ZBTB20: variants seen among roughly 807,000 people sequenced by gnomAD.
ZBTB20 encodes the protein zinc finger and BTB domain containing 20, also known as zinc finger and BTB domain-containing protein 20.
A neutral mutation model predicts 56.9 loss-of-function variants in ZBTB20; 9 were observed. The ratio of observed to expected loss-of-function variants is 0.16; its 90% confidence interval spans 0.10 to 0.28. The LOEUF (loss-of-function observed/expected upper bound fraction) is 0.28, where lower values mean the gene tolerates loss of function less well. Ranked by LOEUF, ZBTB20 falls within the 10% of genes least tolerant of loss-of-function variation. The pLI, the probability that ZBTB20 is intolerant of heterozygous loss-of-function variation, is 1.00. For missense variants in ZBTB20, 655 were observed against 1,003.0 expected, an observed-to-expected ratio of 0.65 and a Z score of 4.69; for synonymous variants, 417 against 420.7, an observed-to-expected ratio of 0.99 and a Z score of 0.11.
chr3:114,674,172 A>C (rs1239010533), intron 6 of ZBTB20, among the ~76,000 whole-genome samples: 1 of 152,214 alleles, frequency 6.6e-6, no homozygotes, highest in Non-Finnish European at 1.5e-5. Context: ...CATATATTGA[A>C]TGTGAATCAC....
rs569407398 is a variant in ZBTB20, at chr3:114,464,395, G to A, written c.-255+35957C>T. On this transcript the variant is annotated intron_variant, in intron 7 of 11. Transcript: ENST00000675478. ...TACGTGAAACAATTTTAGGAATTCA[G>A]CTTATGTGTCAAGTACAGTCATTCT... Among the ~76,000 whole-genome samples the A allele has an allele frequency of 2.0e-5, 3 of 152,276 alleles. No homozygotes were observed. The East Asian group carries it at 5.8e-4, about 29-fold the overall frequency.
At chr3:114,645,392 G>C (rs1054013344) in intron 6 of ZBTB20, among the ~76,000 whole-genome samples, 2 of 152,022 alleles carry the variant, frequency 1.3e-5, no homozygotes, top group African/African-American at 4.8e-5. Flanking sequence ...AATTATATAG[G>C]CAAATGGTGA....
rs2078641655 is a variant in ZBTB20, at chr3:114,315,458, T to C, written c.*23547A>G. The C allele has an allele frequency of 6.6e-6, 1 of 151,994 alleles. No homozygotes were observed. Among genetic ancestry groups the C allele is most frequent in the Non-Finnish European group, 1.5e-5 (1 of 67,980 alleles). The allele number at this position is 151,994 out of a possible 1,614,324, so 9.4% of individuals were successfully genotyped here. On this transcript the variant is annotated 3_prime_UTR_variant, in exon 12 of 12. Coordinates refer to ENST00000675478, the MANE Select transcript of ZBTB20 (RefSeq NM_001348800.3). Reference sequence around the variant, plus strand: ...GACACACAGACACTGGAAACACCACTTGAATGAATGAATGAATGGATATGT... The same window carrying C: ...GACACACAGACACTGGAAACACCACCTGAATGAATGAATGAATGGATATGT...
chr3:114,381,131 T>A (rs557211807), intron 8 of ZBTB20, among the ~76,000 whole-genome samples, 191 bp from the exon 9 acceptor site: 4 of 152,288 alleles, frequency 2.6e-5, no homozygotes, highest in Middle Eastern at 3.4e-3. Flanking sequence ...AGGTTTCTGT[T>A]AGAGTAGCAA....
intron 7 of ZBTB20, among the ~76,000 whole-genome samples, chr3:114,478,490 C>G (rs1352248273): frequency 6.6e-6 from 1 of 152,180 alleles, no homozygotes; most frequent in African/African-American, 2.4e-5. Context: ...ATGCATATCT[C>G]ATTCTGGAAA....
At chr3:114,444,801 G>A (rs1390277468) in intron 7 of ZBTB20, among the ~76,000 whole-genome samples, 1 of 152,054 alleles carries the variant, frequency 6.6e-6, no homozygotes, top group South Asian at 2.1e-4. Flanking sequence ...CTGGTTCACA[G>A]AATGCAATAT....
intron 6 of ZBTB20, among the ~76,000 whole-genome samples, chr3:114,613,525 T>C (rs1223669068): frequency 6.6e-6 from 1 of 152,052 alleles, no homozygotes; most frequent in Non-Finnish European, 1.5e-5. Flanking sequence ...ACTTAAGTAA[T>C]AAGATGAGAG....
At chr3:114,998,439 C>G (rs1267850436) in intron 2 of ZBTB20, among the ~76,000 whole-genome samples, 2 of 151,718 alleles carry the variant, frequency 1.3e-5, no homozygotes, top group Non-Finnish European at 2.9e-5. Flanking sequence ...TGGGAAACTA[C>G]TGAAGAGTAT....
chr3:114,316,751 C>G lies in ZBTB20; in HGVS notation c.*22254G>C, dbSNP rs984955216. On this transcript the variant is annotated 3_prime_UTR_variant, in exon 12 of 12. Transcript: ENST00000675478. Reference sequence around the variant, plus strand: ...AACATTTTTGATGAGAAAAATCTGACAGTTCTCAGCCCCAAGCAAGAGAAA... The same window carrying G: ...AACATTTTTGATGAGAAAAATCTGAGAGTTCTCAGCCCCAAGCAAGAGAAA... 2.8e-6 allele frequency: 1 copy of G among 358,526 alleles called. No homozygotes were observed. Among genetic ancestry groups the G allele is most frequent in the African/African-American group, 2.2e-5 (1 of 44,832 alleles). The allele number at this position is 358,526 out of a possible 1,614,324, so 22.2% of individuals were successfully genotyped here. A position where few individuals can be genotyped will look rare whatever the true frequency, so the allele number is the denominator to read the frequency against.
intron 5 of ZBTB20, among the ~76,000 whole-genome samples, chr3:114,752,606 T>C (rs2067654172): frequency 6.6e-6 from 1 of 152,210 alleles, no homozygotes; most frequent in South Asian, 2.1e-4. Context: ...GCACATTACT[T>C]AGGTGATCAA....
intron 4 of ZBTB20, among the ~76,000 whole-genome samples, chr3:114,878,120 G>A (rs1172135973): frequency 6.6e-6 from 1 of 152,036 alleles, no homozygotes; most frequent in Admixed American, 6.6e-5. Flanking sequence ...CAATTCAGGG[G>A]TCCAAGTTCC....
At chr3:114,901,234 C>T (rs2075106658) in intron 3 of ZBTB20, among the ~76,000 whole-genome samples, 1 of 151,192 alleles carries the variant, frequency 6.6e-6, no homozygotes, top group African/African-American at 2.4e-5. Flanking sequence ...TATTGCACTC[C>T]AGCCTGGGTG....
chr3:114,901,156 G>A (rs2075102893), intron 3 of ZBTB20, among the ~76,000 whole-genome samples: 1 of 152,108 alleles, frequency 6.6e-6, no homozygotes, highest in South Asian at 2.1e-4. Context: ...TGTAATCCCA[G>A]CACTATGGGA....
Position 114,351,957 on chromosome 3 carries a change from G to A in ZBTB20, c.200-79C>T, listed in dbSNP as rs1361718123. On this transcript the variant is annotated intron_variant, in intron 10 of 11. Transcript: ENST00000675478. ...TGCATTCCTAACACCTAGGTTTCAG[G>A]TGAGTAATGCTCATGGCTCCTAGAA... 5 of 1,522,316 alleles carry A rather than the reference G, an allele frequency of 3.3e-6. 1 individual carries two copies. In the South Asian group the frequency reaches 3.8e-5, roughly 12 times the overall value. The allele number at this position is 1,522,316 out of a possible 1,614,324, so 94.3% of individuals were successfully genotyped here.
intron 6 of ZBTB20, among the ~76,000 whole-genome samples, chr3:114,607,252 C>CAA (rs2057235925): frequency 6.6e-6 from 1 of 151,356 alleles, no homozygotes; most frequent in African/African-American, 2.4e-5. Context: ...ATAATCATTT[C>CAA]TATGGATTTA....
chr3:114,562,240 C>T (rs1281949262), intron 6 of ZBTB20, among the ~76,000 whole-genome samples: 2 of 151,522 alleles, frequency 1.3e-5, no homozygotes, highest in African/African-American at 2.4e-5. Flanking sequence ...TCTCGGCTCA[C>T]TGCAACCTCC....
chr3:114,794,207 T>A (rs1394183490), intron 5 of ZBTB20, among the ~76,000 whole-genome samples: 2 of 152,098 alleles, frequency 1.3e-5, no homozygotes, highest in Non-Finnish European at 2.9e-5. Flanking sequence ...TTGCTGAGTG[T>A]GGTAGCAAGG....
At chr3:115,036,709 G>A (rs1437761601) in intron 2 of ZBTB20, among the ~76,000 whole-genome samples, 4 of 152,076 alleles carry the variant, frequency 2.6e-5, no homozygotes, top group Admixed American at 6.6e-5. Flanking sequence ...CGCAGCGCCC[G>A]GCCACTTTGT....
chr3:115,064,637 T>A (rs1252123322), intron 2 of ZBTB20, among the ~76,000 whole-genome samples: 1 of 151,798 alleles, frequency 6.6e-6, no homozygotes, highest in Non-Finnish European at 1.5e-5. Context: ...TTTTTAGAGA[T>A]GAGGTTTCAC....
Sources: allele counts gnomAD v4.1 joint callset (sites outside exome capture counted in the v4.1 genomes callset), GRCh38; gene constraint gnomAD v4.1.1; transcripts MANE v1.5; gene names NCBI Gene and HGNC (gene_info 2026-07-23, HGNC 2026-07-21).